FOXP1: variants seen among roughly 807,000 people sequenced by gnomAD.
FOXP1 encodes forkhead box protein P1.
In FOXP1, 15 loss-of-function variants were observed where a neutral mutation model predicts 98.2. That is an observed-to-expected ratio of 0.15 (90% CI 0.10 to 0.24). FOXP1 has a LOEUF of 0.24. Ranked by LOEUF, FOXP1 falls within the 10% of genes least tolerant of loss-of-function variation. The pLI is 1.00. For synonymous variants in FOXP1, 371 were observed against 314.5 expected (o/e 1.18, Z -1.90); for missense variants, 633 against 848.5 (o/e 0.75, Z 3.15).
rs916812090 is a variant in FOXP1 at position 70,956,580 on chromosome 3, A to G, written c.*2667T>C. 2.6e-5 allele frequency: 6 copies of G among 230,536 alleles called. No homozygotes were observed. The highest frequency in any genetic ancestry group is 6.7e-5 in the African/African-American group (3 of 45,040). 14.3% of individuals were successfully genotyped at this position (230,536 alleles called of 1,614,324 possible). Reference sequence around the variant, plus strand: ...CATGCTGTTATCTTTACTCATGTCTAGCTACACATGCTGAGAATGAACTAA... The same window carrying G: ...CATGCTGTTATCTTTACTCATGTCTGGCTACACATGCTGAGAATGAACTAA... On this transcript the variant is annotated 3_prime_UTR_variant, in exon 21 of 21. Transcript: ENST00000649528.
intron 2 of FOXP1, among the ~76,000 whole-genome samples, chr3:71,506,568 G>A (rs2041840657): frequency 6.6e-6 from 1 of 152,106 alleles, no homozygotes; most frequent in Non-Finnish European, 1.5e-5. Flanking sequence ...CAGCTACTAC[G>A]TCTGCCCTTG....
At chr3:71,106,949 C>A (rs1286193293) in intron 7 of FOXP1, among the ~76,000 whole-genome samples, 2 of 151,546 alleles carry the variant, frequency 1.3e-5, no homozygotes, top group Non-Finnish European at 2.9e-5. Context: ...TTGTATTATT[C>A]ACAGAGATGG....
chr3:71,386,865 TTTAATA>T (rs1033789951), intron 3 of FOXP1, among the ~76,000 whole-genome samples: 6 of 152,154 alleles, frequency 3.9e-5, no homozygotes, highest in African/African-American at 1.4e-4. Flanking sequence ...GCCATTAGTA[TTTAATA>T]TTAATATTAA....
chr3:71,395,527 G>C (rs2081321926), intron 3 of FOXP1, among the ~76,000 whole-genome samples: 1 of 151,334 alleles, frequency 6.6e-6, no homozygotes, highest in South Asian at 2.1e-4. Context: ...GCCTTACCTG[G>C]GTACCTCATC....
chr3:71,050,098 C>T (rs1051536102), intron 9 of FOXP1, among the ~76,000 whole-genome samples: 2 of 152,198 alleles, frequency 1.3e-5, no homozygotes, highest in Non-Finnish European at 2.9e-5. Context: ...TGTTTAGACA[C>T]AAAGTGTTCT....
intron 6 of FOXP1, among the ~76,000 whole-genome samples, chr3:71,163,809 GT>G (rs1339080257): frequency 6.6e-6 from 1 of 152,038 alleles, no homozygotes; most frequent in Non-Finnish European, 1.5e-5. Flanking sequence ...GTTTCAAGCA[GT>G]CCCACAGTTT....
At chr3:71,284,138 A>C (rs1052716213) in intron 5 of FOXP1, among the ~76,000 whole-genome samples, 2 of 152,244 alleles carry the variant, frequency 1.3e-5, no homozygotes, top group African/African-American at 4.8e-5. Flanking sequence ...TCAGTGAAAT[A>C]AACATTCTCA....
intron 3 of FOXP1, among the ~76,000 whole-genome samples, chr3:71,411,955 C>T (rs2082784618): frequency 3.3e-5 from 5 of 152,210 alleles, no homozygotes; most frequent in Admixed American, 3.3e-4. Context: ...AATCCCAACA[C>T]TGTGACTAAA....
intron 4 of FOXP1, among the ~76,000 whole-genome samples, chr3:71,342,021 A>AATT (rs1340464440): frequency 6.9e-6 from 1 of 145,236 alleles, no homozygotes; most frequent in Non-Finnish European, 1.5e-5. Context: ...TCTGAATTTG[A>AATT]ATCTTATGTT....
chr3:71,221,961 T>C (rs1229300432), intron 5 of FOXP1, among the ~76,000 whole-genome samples: 1 of 152,172 alleles, frequency 6.6e-6, no homozygotes, highest in Non-Finnish European at 1.5e-5. Context: ...GAGACCATCC[T>C]GGCCAACACG....
intron 3 of FOXP1, among the ~76,000 whole-genome samples, chr3:71,456,849 C>T (rs1211012741): frequency 1.3e-5 from 2 of 150,330 alleles, no homozygotes; most frequent in Admixed American, 6.6e-5. Flanking sequence ...CAACTCATAT[C>T]AGTGGCTTTA....
chr3:71,259,730 A>T (rs905627196), intron 5 of FOXP1, among the ~76,000 whole-genome samples: 7 of 152,242 alleles, frequency 4.6e-5, no homozygotes, highest in Admixed American at 4.6e-4. Flanking sequence ...TTAACTATCC[A>T]TATTAAGAGG....
At chr3:70,997,478 G>C (rs770528044) in intron 13 of FOXP1, among the ~76,000 whole-genome samples, 5 of 152,188 alleles carry the variant, frequency 3.3e-5, no homozygotes, top group Non-Finnish European at 7.3e-5. Context: ...ACTCTCAATC[G>C]AATCCTTGGT....
intron 6 of FOXP1, among the ~76,000 whole-genome samples, chr3:71,114,368 C>G (rs1278148537): frequency 6.6e-6 from 1 of 152,206 alleles, no homozygotes; most frequent in Non-Finnish European, 1.5e-5. Flanking sequence ...TGTTCATGAG[C>G]AGACACGTAA....
chr3:71,134,977 G>A (rs564101995), intron 6 of FOXP1, among the ~76,000 whole-genome samples: 16 of 151,894 alleles, frequency 1.1e-4, no homozygotes, highest in Non-Finnish European at 1.8e-4. Context: ...TATAATCCCC[G>A]GCCAGGCACG....
chr3:71,205,480 G>A (rs911582104), intron 5 of FOXP1, among the ~76,000 whole-genome samples: 1 of 152,000 alleles, frequency 6.6e-6, no homozygotes, highest in Non-Finnish European at 1.5e-5. Flanking sequence ...AAAAGTTCAG[G>A]AGCAATGAAA....
At chr3:71,121,106 C>T (rs2058733197) in intron 6 of FOXP1, among the ~76,000 whole-genome samples, 1 of 151,092 alleles carries the variant, frequency 6.6e-6, no homozygotes, top group Non-Finnish European at 1.5e-5. Context: ...TTTTCCTGCA[C>T]CACGTCATGA....
chr3:71,022,764 A>T (rs1321576500), intron 11 of FOXP1, among the ~76,000 whole-genome samples: 3 of 152,178 alleles, frequency 2.0e-5, no homozygotes, highest in African/African-American at 7.2e-5. Context: ...AGAGAATCAC[A>T]CAAGAGCTCC....
In FOXP1 at chr3:71,262,264, C is replaced by CAAAAAAAAAAAA. The variant is rs71104433; in HGVS notation, c.-12+37544_-12+37555dup. Reference sequence around the variant, plus strand: ...CTGGCAACAGGACAAGACTCTGTCACAAAAAAAAAAAAAAAAAAAAAAAAA... The same window carrying CAAAAAAAAAAAA: ...CTGGCAACAGGACAAGACTCTGTCACAAAAAAAAAAAAAAAAAAAAAAAAAAAAAAAAAAAAA... On this transcript the variant is annotated intron_variant, in intron 5 of 20. Coordinates refer to ENST00000649528, the MANE Select transcript of FOXP1 (RefSeq NM_001349338.3). 3.1e-4 allele frequency among the ~76,000 whole-genome samples: 8 copies of CAAAAAAAAAAAA among 25,714 alleles called. 1 individual carries two copies. The highest frequency in any genetic ancestry group is 2.5e-3 in the South Asian group (1 of 408). 16.9% of individuals were successfully genotyped at this position (25,714 alleles called of 152,430 possible). A position where few individuals can be genotyped will look rare whatever the true frequency, so the allele number is the denominator to read the frequency against.
Sources: allele counts gnomAD v4.1 joint callset (sites outside exome capture counted in the v4.1 genomes callset), GRCh38; gene constraint gnomAD v4.1.1; transcripts MANE v1.5; gene names NCBI Gene and HGNC (gene_info 2026-07-23, HGNC 2026-07-21).